ADGRB3: variants seen among roughly 807,000 people sequenced by gnomAD.
The protein encoded by ADGRB3 is adhesion G protein-coupled receptor B3.
ADGRB3 carries 37 observed loss-of-function variants against 193.4 expected under a neutral mutation model. The observed-to-expected ratio is 0.19, with a 90% CI of 0.15 to 0.25. The LOEUF is 0.25. Ranked by LOEUF, ADGRB3 falls within the 10% of genes least tolerant of loss-of-function variation. The pLI is 1.00. For missense variants in ADGRB3, 1,637 were observed against 1,852.9 expected (o/e 0.88, Z 2.14); for synonymous variants, 690 against 644.2 (o/e 1.07, Z -1.08).
intron 20 of ADGRB3, among the ~76,000 whole-genome samples, chr6:69,318,126 G>A (rs1284315950): frequency 1.3e-5 from 2 of 151,270 alleles, no homozygotes; most frequent in South Asian, 2.1e-4. Context: ...TAGAATAATA[G>A]AAGTGATGGT....
intron 3 of ADGRB3, among the ~76,000 whole-genome samples, chr6:68,883,791 G>T (rs757086582): frequency 1.6e-4 from 24 of 152,036 alleles, no homozygotes; most frequent in Non-Finnish European, 2.5e-4. Flanking sequence ...TCACCGCCAG[G>T]GTCTGCGGCT....
intron 17 of ADGRB3, among the ~76,000 whole-genome samples, chr6:69,119,236 G>C (rs1582474678): frequency 6.6e-6 from 1 of 152,174 alleles, no homozygotes; most frequent in South Asian, 2.1e-4. Flanking sequence ...CAGTTCATTA[G>C]CATGGAATTT....
At chr6:69,138,622 A>AT (rs1251002322) in intron 17 of ADGRB3, among the ~76,000 whole-genome samples, 1 of 152,192 alleles carries the variant, frequency 6.6e-6, no homozygotes, top group Non-Finnish European at 1.5e-5. Flanking sequence ...GTTAAAATGA[A>AT]TTATCAGGTA....
intron 13 of ADGRB3, among the ~76,000 whole-genome samples, chr6:69,035,183 G>A (rs1770831332): frequency 6.6e-6 from 1 of 152,040 alleles, no homozygotes; most frequent in African/African-American, 2.4e-5. Context: ...CTGGTTCAGA[G>A]TGTGTTGTGG....
chr6:69,002,638 G>A (rs1346614902), intron 11 of ADGRB3, among the ~76,000 whole-genome samples: 1 of 152,066 alleles, frequency 6.6e-6, no homozygotes, highest in Non-Finnish European at 1.5e-5. Flanking sequence ...TTTCTCCATT[G>A]GTTTTAATGC....
intron 5 of ADGRB3, among the ~76,000 whole-genome samples, chr6:68,942,581 T>C (rs542263032): frequency 6.6e-6 from 1 of 152,240 alleles, no homozygotes; most frequent in Admixed American, 6.5e-5. Context: ...AGAGTGGTGA[T>C]TTGACCATGC....
In ADGRB3 at chr6:69,377,940, A is replaced by G. The variant is rs560133309; in HGVS notation, c.4276-4891A>G. Reference sequence around the variant, plus strand: ...CCTGGTTGGGACAAGTAAATGAGCCATTCTTCCAGCGGGAAGACCTCTTTT... The same window carrying G: ...CCTGGTTGGGACAAGTAAATGAGCCGTTCTTCCAGCGGGAAGACCTCTTTT... On this transcript the variant is annotated intron_variant, in intron 30 of 31. Coordinates refer to ENST00000370598, the MANE Select transcript of ADGRB3 (RefSeq NM_001704.3). 1.7e-3 allele frequency among the ~76,000 whole-genome samples: 256 copies of G among 152,234 alleles called. 1 individual carries two copies. The highest frequency in any genetic ancestry group is 6.8e-3 in the Middle Eastern group (2 of 294).
chr6:69,109,591 T>G (rs886534205), intron 17 of ADGRB3, among the ~76,000 whole-genome samples: 19 of 152,292 alleles, frequency 1.2e-4, no homozygotes, highest in Non-Finnish European at 1.3e-4. Flanking sequence ...AAAATTAGCT[T>G]TATAGGAGTT....
intron 11 of ADGRB3, among the ~76,000 whole-genome samples, chr6:68,997,445 C>G (rs1249483101): frequency 6.9e-6 from 1 of 144,502 alleles, no homozygotes; most frequent in South Asian, 2.2e-4. Context: ...GAGTTTGAGA[C>G]CAGCCTGGAC....
chr6:68,983,462 C>CAT (rs1047942285), intron 10 of ADGRB3, among the ~76,000 whole-genome samples: 2 of 148,348 alleles, frequency 1.3e-5, no homozygotes, highest in Non-Finnish European at 3.0e-5. Context: ...TAGTATATAA[C>CAT]ATATATATAG....
chr6:69,020,555 CA>C (rs1460905398), intron 13 of ADGRB3, among the ~76,000 whole-genome samples: 7 of 151,984 alleles, frequency 4.6e-5, no homozygotes, highest in African/African-American at 1.7e-4. Flanking sequence ...GTATATTAAG[CA>C]TAACTCAAAG....
chr6:69,231,437 T>G (rs896193875), intron 17 of ADGRB3, among the ~76,000 whole-genome samples: 1 of 152,256 alleles, frequency 6.6e-6, no homozygotes, highest in Non-Finnish European at 1.5e-5. Flanking sequence ...AAAGTAAAGC[T>G]GCCATCCAGT....
At chr6:68,824,086 T>C (rs772917694) in intron 3 of ADGRB3, among the ~76,000 whole-genome samples, 34 of 152,294 alleles carry the variant, frequency 2.2e-4, no homozygotes, top group Admixed American at 3.9e-4. Flanking sequence ...ATCTGAGGCA[T>C]GTCCTTCATC....
chr6:68,897,522 G>A (rs1158874881), intron 3 of ADGRB3, among the ~76,000 whole-genome samples: 6 of 78,522 alleles, frequency 7.6e-5, no homozygotes, highest in African/African-American at 2.3e-4. Context: ...GGAAGGGAGG[G>A]AGGAAAGAGG....
rs372462411 is a variant in ADGRB3, at chr6:69,231,833, G to A, written c.2481-1457G>A. On this transcript the variant is annotated intron_variant, in intron 17 of 31. Transcript: ENST00000370598. ...TTCTTCAAAAAAGTTGTAATTAAGA[G>A]TATATTAAGTCATAAATATTAATGA... Among the ~76,000 whole-genome samples the A allele has an allele frequency of 1.2e-3, 183 of 152,124 alleles. 2 individuals are homozygous for A. The South Asian group carries it at 0.03, about 25-fold the overall frequency.
chr6:69,244,489 A>G (rs572532173), intron 20 of ADGRB3, among the ~76,000 whole-genome samples: 54 of 152,164 alleles, frequency 3.5e-4, no homozygotes, highest in African/African-American at 1.3e-3. Flanking sequence ...GCACACATTT[A>G]TGTACATGCC....
intron 6 of ADGRB3, among the ~76,000 whole-genome samples, chr6:68,946,474 T>A (rs1242884518): frequency 6.6e-6 from 1 of 152,152 alleles, no homozygotes; most frequent in Non-Finnish European, 1.5e-5. Flanking sequence ...AAACCTCATA[T>A]AAATACGCTA....
intron 30 of ADGRB3, among the ~76,000 whole-genome samples, chr6:69,378,836 C>T (rs1038239912): frequency 1.3e-5 from 2 of 151,988 alleles, no homozygotes; most frequent in Non-Finnish European, 2.9e-5. Flanking sequence ...TCCAGACATA[C>T]AGGTGGCTTT....
chr6:69,097,014 T>C (rs1372794188), intron 17 of ADGRB3, among the ~76,000 whole-genome samples: 1 of 152,208 alleles, frequency 6.6e-6, no homozygotes, highest in Non-Finnish European at 1.5e-5. Context: ...TAGTAGAAGC[T>C]GACCCTGATG....
Sources: allele counts gnomAD v4.1 joint callset (sites outside exome capture counted in the v4.1 genomes callset), GRCh38; gene constraint gnomAD v4.1.1; transcripts MANE v1.5; gene names NCBI Gene and HGNC (gene_info 2026-07-23, HGNC 2026-07-21).